The following ANTXR1 variants were observed in gnomAD, a reference collection of about 807,000 sequenced individuals.
The protein encoded by ANTXR1 is anthrax toxin receptor 1.
A neutral mutation model predicts 78.1 loss-of-function variants in ANTXR1; 19 were observed. That is an observed-to-expected ratio of 0.24 (90% CI 0.17 to 0.36). The LOEUF is 0.36. ANTXR1 is among the 10% of genes least tolerant of loss of function. The probability of loss-of-function intolerance (pLI) is 1.00; values close to 1 mark genes in which losing one functional copy is unlikely to be tolerated. For synonymous variants in ANTXR1, 273 were observed against 260.5 expected (o/e 1.05, Z -0.46); for missense variants, 518 against 718.6 (o/e 0.72, Z 3.19).
chr2:69,107,852 CTTCTTT>C (rs1671860254), intron 10 of ANTXR1, among the ~76,000 whole-genome samples: 1 of 127,446 alleles, frequency 7.8e-6, no homozygotes, highest in Non-Finnish European at 1.8e-5. Context: ...TAGGATAAGA[CTTCTTT>C]AACATAAAAA....
At chr2:69,066,542 A>G (rs1670405827) in intron 3 of ANTXR1, among the ~76,000 whole-genome samples, 1 of 152,210 alleles carries the variant, frequency 6.6e-6, no homozygotes. Flanking sequence ...TCATAACACA[A>G]CCAGAATCCC....
intron 8 of ANTXR1, among the ~76,000 whole-genome samples, chr2:69,079,293 A>T (rs535580083): frequency 6.6e-6 from 1 of 152,318 alleles, no homozygotes; most frequent in African/African-American, 2.4e-5. Flanking sequence ...ATGTAAAACA[A>T]CAACCCAAGG....
chr2:69,175,675 A>G (rs946291463), intron 14 of ANTXR1, among the ~76,000 whole-genome samples: 1 of 152,102 alleles, frequency 6.6e-6, no homozygotes, highest in African/African-American at 2.4e-5. Context: ...GTTAGTATAT[A>G]TGCACTGGGG....
At chr2:69,085,308 C>A (rs1671017975) in intron 8 of ANTXR1, among the ~76,000 whole-genome samples, 1 of 152,116 alleles carries the variant, frequency 6.6e-6, no homozygotes, top group Non-Finnish European at 1.5e-5. Flanking sequence ...AGCGGCCGAC[C>A]TAATACAGGG....
intron 10 of ANTXR1, among the ~76,000 whole-genome samples, chr2:69,116,420 T>C (rs1322694398): frequency 5.3e-5 from 8 of 152,268 alleles, no homozygotes; most frequent in Non-Finnish European, 4.4e-5. Context: ...GTCTAACTTT[T>C]TTCAGGCTGG....
intron 10 of ANTXR1, chr2:69,103,511 C>T (rs1288701687): frequency 1.2e-5 from 2 of 164,914 alleles, no homozygotes; most frequent in Non-Finnish European, 2.7e-5. Context: ...AAACTCTCAT[C>T]GTGGTGAATA....
chr2:69,029,854 G>T (rs1671475858), intron 1 of ANTXR1, among the ~76,000 whole-genome samples: 1 of 152,056 alleles, frequency 6.6e-6, no homozygotes, highest in South Asian at 2.1e-4. Context: ...GAAAAGTTAA[G>T]AAGTCAATAA....
At chr2:69,212,972 T>C (rs1675083695) in intron 17 of ANTXR1, among the ~76,000 whole-genome samples, 1 of 146,712 alleles carries the variant, frequency 6.8e-6, no homozygotes, top group South Asian at 2.3e-4. Flanking sequence ...TTTTTTTTTT[T>C]TTTTTTTTTT....
intron 1 of ANTXR1, among the ~76,000 whole-genome samples, chr2:69,017,797 A>G (rs1278278029): frequency 6.6e-6 from 1 of 152,210 alleles, no homozygotes; most frequent in Admixed American, 6.5e-5. Context: ...TTCAACAAAA[A>G]GCAAAGAAAC....
chr2:69,083,349 G>C (rs1202059571), intron 8 of ANTXR1, among the ~76,000 whole-genome samples: 1 of 152,184 alleles, frequency 6.6e-6, no homozygotes, highest in African/African-American at 2.4e-5. Flanking sequence ...CATAAATCAG[G>C]CTTGTTGGTC....
At chr2:69,120,310 G>A (rs931022081) in intron 10 of ANTXR1, among the ~76,000 whole-genome samples, 12 of 152,226 alleles carry the variant, frequency 7.9e-5, no homozygotes, top group African/African-American at 1.7e-4. Context: ...TGTTTAAGTC[G>A]AACCATTGTT....
intron 10 of ANTXR1, among the ~76,000 whole-genome samples, chr2:69,105,149 G>T (rs1671763374): frequency 6.6e-6 from 1 of 152,276 alleles, no homozygotes; most frequent in Middle Eastern, 3.4e-3. Context: ...GTACTCGAAG[G>T]CCTATTTTCC....
At chr2:69,068,756 G>T (rs1670480459) in intron 3 of ANTXR1, among the ~76,000 whole-genome samples, 1 of 152,186 alleles carries the variant, frequency 6.6e-6, no homozygotes, top group Non-Finnish European at 1.5e-5. Context: ...GCCTTATGGA[G>T]AAAGAATGGA....
chr2:69,116,995 C>T (rs1672165476), intron 10 of ANTXR1, among the ~76,000 whole-genome samples: 1 of 152,186 alleles, frequency 6.6e-6, no homozygotes, highest in Admixed American at 6.5e-5. Context: ...TACATTGTCC[C>T]AAGGTCTAAA....
chr2:69,108,894 A>T (rs1671893142), intron 10 of ANTXR1, among the ~76,000 whole-genome samples: 1 of 152,200 alleles, frequency 6.6e-6, no homozygotes, highest in African/African-American at 2.4e-5. Flanking sequence ...ATGTAACAAG[A>T]ACTAATTTAA....
chr2:69,168,039 G>A (rs1243803992), intron 13 of ANTXR1, among the ~76,000 whole-genome samples: 3 of 152,118 alleles, frequency 2.0e-5, no homozygotes, highest in Non-Finnish European at 4.4e-5. Context: ...TGACACACAT[G>A]TGGCCAGGCA....
chr2:69,078,129 A>C (rs186444415), intron 8 of ANTXR1, among the ~76,000 whole-genome samples: 7 of 152,300 alleles, frequency 4.6e-5, no homozygotes, highest in African/African-American at 1.7e-4. Context: ...CCTTTTCCTG[A>C]ATAGTAAACA....
At chr2:69,081,960 A>G (rs1442279010) in intron 8 of ANTXR1, among the ~76,000 whole-genome samples, 2 of 152,262 alleles carry the variant, frequency 1.3e-5, no homozygotes, top group Non-Finnish European at 2.9e-5. Context: ...GTCCAAGGCC[A>G]CACAGCACAG....
intron 3 of ANTXR1, among the ~76,000 whole-genome samples, chr2:69,064,046 C>T (rs1670321705): frequency 6.6e-6 from 1 of 151,898 alleles, no homozygotes; most frequent in Non-Finnish European, 1.5e-5. Context: ...AGCAAGATAG[C>T]AAGATGGTAG....
Sources: allele counts gnomAD v4.1 joint callset (sites outside exome capture counted in the v4.1 genomes callset), GRCh38; gene constraint gnomAD v4.1.1; transcripts MANE v1.5; gene names NCBI Gene and HGNC (gene_info 2026-07-23, HGNC 2026-07-21).